CPNE8: variants seen among roughly 807,000 people sequenced by gnomAD.
The protein encoded by CPNE8 is copine-8.
In CPNE8, 45 loss-of-function variants were observed where a neutral mutation model predicts 81.5. The ratio of observed to expected loss-of-function variants is 0.55; its 90% CI spans 0.44 to 0.71. The LOEUF is 0.71. Ranked by LOEUF, CPNE8 falls within the 30% of genes least tolerant of loss-of-function variation. The pLI, the probability that CPNE8 is intolerant of heterozygous loss-of-function variation, is 0.00. For synonymous variants in CPNE8, 252 were observed against 226.3 expected (o/e 1.11, Z -1.02); for missense variants, 594 against 672.1 (o/e 0.88, Z 1.28).
At chr12:38,816,267 T>TCAGTGCAATAA (rs1943022445) in intron 6 of CPNE8, among the ~76,000 whole-genome samples, 1 of 152,194 alleles carries the variant, frequency 6.6e-6, no homozygotes, top group Non-Finnish European at 1.5e-5. Context: ...CCTGGAAAAT[T>TCAGTGCAATAA]CAGTGCAATA....
At position 38,808,472 on chromosome 12, in the gene CPNE8, A is replaced by G. The variant is rs536965213; in HGVS notation, c.407+20907T>C. 2.0e-5 allele frequency among the ~76,000 whole-genome samples: 3 copies of G among 152,124 alleles called. No individual in the cohort carries two copies. The South Asian group carries it at 6.2e-4, about 32-fold the overall frequency. On this transcript the variant is annotated intron_variant, in intron 6 of 19. Coordinates refer to ENST00000331366, the MANE Select transcript of CPNE8 (RefSeq NM_153634.3). ...TTTGTAGGGACATGGATGAAATTGG[A>G]AACCATCATTCTCAGTCAACTATCA...
intron 5 of CPNE8, among the ~76,000 whole-genome samples, chr12:38,832,785 C>A (rs546824398): frequency 6.6e-6 from 1 of 152,180 alleles, no homozygotes; most frequent in African/African-American, 2.4e-5. Flanking sequence ...CCTGCCTCAG[C>A]CTCCCAAAGA....
chr12:38,859,888 T>G (rs2137078039), intron 3 of CPNE8, among the ~76,000 whole-genome samples: 1 of 152,216 alleles, frequency 6.6e-6, no homozygotes, highest in Non-Finnish European at 1.5e-5. Context: ...CCACTTATCC[T>G]ACATCATACA....
At chr12:38,895,098 A>G (rs140966791) in intron 1 of CPNE8, among the ~76,000 whole-genome samples, 71 of 152,220 alleles carry the variant, frequency 4.7e-4, no homozygotes, top group African/African-American at 1.3e-3. Flanking sequence ...CTTATTTTAC[A>G]TACATAGAGA....
At chr12:38,866,095 G>T (rs924296811) in intron 3 of CPNE8, among the ~76,000 whole-genome samples, 1 of 152,164 alleles carries the variant, frequency 6.6e-6, no homozygotes, top group East Asian at 1.9e-4. Flanking sequence ...ATTTGTCTGA[G>T]TAACATACAA....
intron 6 of CPNE8, among the ~76,000 whole-genome samples, chr12:38,828,793 A>C (rs956885318): frequency 6.6e-6 from 1 of 152,186 alleles, no homozygotes; most frequent in Admixed American, 6.5e-5. Context: ...TAAAGCCATG[A>C]AAAATTTCTA....
At chr12:38,787,292 C>A (rs1399761501) in intron 6 of CPNE8, among the ~76,000 whole-genome samples, 1 of 151,414 alleles carries the variant, frequency 6.6e-6, no homozygotes, top group Non-Finnish European at 1.5e-5. Flanking sequence ...TAGATATCAA[C>A]CACAAGGGGA....
At position 38,874,113 on chromosome 12, in the gene CPNE8, A is replaced by T. The variant is rs565134079; in HGVS notation, c.139+358T>A. On this transcript the variant is annotated intron_variant, in intron 2 of 19. Coordinates refer to ENST00000331366, the MANE Select transcript of CPNE8 (RefSeq NM_153634.3). ...CCTTGCCCGACCACCACTTTCATTT[A>T]AAAAAAAAAGAAAAAAAAGAAACGT... Among the ~76,000 whole-genome samples the T allele has an allele frequency of 2.8e-4, 41 of 147,960 alleles. No individual in the cohort carries two copies. The East Asian group carries it at 7.1e-3, about 26-fold the overall frequency.
At chr12:38,760,451 A>ATATATATG (rs749406707) in intron 10 of CPNE8, among the ~76,000 whole-genome samples, 2 of 120,182 alleles carry the variant, frequency 1.7e-5, no homozygotes, top group East Asian at 4.4e-4. Flanking sequence ...ATATATATAT[A>ATATATATG]TGTGTGTGTA....
At chr12:38,664,278 C>A (rs1020096811) in intron 19 of CPNE8, among the ~76,000 whole-genome samples, 10 of 151,908 alleles carry the variant, frequency 6.6e-5, no homozygotes, top group African/African-American at 1.9e-4. Flanking sequence ...AGGATAATTA[C>A]AGAATACCTA....
chr12:38,823,953 G>A (rs1303400403), intron 6 of CPNE8, among the ~76,000 whole-genome samples: 1 of 152,134 alleles, frequency 6.6e-6, no homozygotes, highest in Non-Finnish European at 1.5e-5. Context: ...GAGCCGATGA[G>A]TCATAGGAAG....
At chr12:38,894,029 G>A (rs765623046) in intron 1 of CPNE8, among the ~76,000 whole-genome samples, 7 of 152,016 alleles carry the variant, frequency 4.6e-5, no homozygotes, top group Non-Finnish European at 1.0e-4. Flanking sequence ...TTAAGGTCCT[G>A]CTTCTCCAAT....
At chr12:38,816,311 C>T (rs899098941) in intron 6 of CPNE8, among the ~76,000 whole-genome samples, 3 of 152,126 alleles carry the variant, frequency 2.0e-5, no homozygotes, top group Non-Finnish European at 4.4e-5. Flanking sequence ...TTACAAGGCA[C>T]AACAGGTCTC....
intron 10 of CPNE8, among the ~76,000 whole-genome samples, chr12:38,746,358 T>G (rs1010306854): frequency 2.6e-5 from 4 of 152,194 alleles, no homozygotes; most frequent in Non-Finnish European, 5.9e-5. Context: ...CTTCTTTTCT[T>G]TGGAAAACTT....
chr12:38,755,070 A>C (rs1429328430), intron 10 of CPNE8, among the ~76,000 whole-genome samples: 2 of 152,346 alleles, frequency 1.3e-5, no homozygotes, highest in East Asian at 3.9e-4. Context: ...TGGTCATGAT[A>C]ATGCATAATC....
chr12:38,809,464 T>A (rs1942890848), intron 6 of CPNE8, among the ~76,000 whole-genome samples: 1 of 152,188 alleles, frequency 6.6e-6, no homozygotes, highest in African/African-American at 2.4e-5. Flanking sequence ...TCTTCCTATC[T>A]TAAGGTCAGC....
chr12:38,833,658 T>A (rs1943333944), intron 5 of CPNE8, among the ~76,000 whole-genome samples: 1 of 151,834 alleles, frequency 6.6e-6, no homozygotes, highest in African/African-American at 2.4e-5. Flanking sequence ...TTTTGTATTT[T>A]TAGTAGAGAC....
chr12:38,906,589 C>T (rs981602999), upstream of CPNE8: 2 of 985,380 alleles, frequency 2.0e-6, no homozygotes, highest in East Asian at 1.1e-4. Context: ...TGAGACCTGA[C>T]GGATAAAAGC....
At chr12:38,780,089 T>C (rs1220253461) in intron 6 of CPNE8, among the ~76,000 whole-genome samples, 1 of 152,086 alleles carries the variant, frequency 6.6e-6, no homozygotes, top group Non-Finnish European at 1.5e-5. Context: ...GATTTCTGTG[T>C]ATGGTGTAAA....
Sources: allele counts gnomAD v4.1 joint callset (sites outside exome capture counted in the v4.1 genomes callset), GRCh38; gene constraint gnomAD v4.1.1; transcripts MANE v1.5; gene names NCBI Gene and HGNC (gene_info 2026-07-23, HGNC 2026-07-21).